The following ZNF114 variants were observed in gnomAD, a reference collection of about 807,000 sequenced individuals.
ZNF114 encodes the protein zinc finger protein 114 (Y18).
In ZNF114, 8 loss-of-function variants were observed where a neutral mutation model predicts 6.8. That is an observed-to-expected ratio of 1.18 (90% CI 0.69 to 2.13). The LOEUF (loss-of-function observed/expected upper bound fraction) is 2.13. Among genes scored for constraint, ZNF114 ranks in the 30% most tolerant of loss-of-function variants. The pLI is 0.00. For missense variants in ZNF114, 472 were observed against 519.5 expected, an observed-to-expected ratio of 0.91 and a Z score of 0.89; for synonymous variants, 169 against 185.5, an observed-to-expected ratio of 0.91 and a Z score of 0.72.
intron 2 of ZNF114, 77 bp downstream of exon 2, chr19:48,271,526 CG>C (rs929947664): frequency 2.8e-3 from 8 of 2,824 alleles, no homozygotes; most frequent in African/African-American, 0.012. Flanking sequence ...GTCCCGGGGG[CG>C]GGGGGTGGGA....
chr19:48,279,929 G>A lies in ZNF114; in HGVS notation c.9+121G>A, dbSNP rs927824715. On this transcript the variant is annotated intron_variant, in intron 4 of 5. Transcript: ENST00000595607. ...AGCCAGGCAGGGCCCCCCGCCAGCCGTGCTGCCCTAGGTCTCTGCACCTCT... is the reference window on the plus strand; with the variant it reads ...AGCCAGGCAGGGCCCCCCGCCAGCCATGCTGCCCTAGGTCTCTGCACCTCT... 16 of 1,444,518 alleles carry A rather than the reference G, an allele frequency of 1.1e-5. No individual in the cohort carries two copies. The East Asian group carries it at 1.2e-4, about 10-fold the overall frequency. 89.5% of individuals were successfully genotyped at this position (1,444,518 alleles called of 1,614,324 possible).
intron 3 of ZNF114, among the ~76,000 whole-genome samples, chr19:48,274,922 G>A (rs1358221158): frequency 6.6e-6 from 1 of 152,002 alleles, no homozygotes; most frequent in African/African-American, 2.4e-5. Context: ...GAGTCCCTGG[G>A]TAGTCAGAAT....
At chr19:48,274,022 G>T (rs1457491748) in intron 3 of ZNF114, among the ~76,000 whole-genome samples, 2 of 151,452 alleles carry the variant, frequency 1.3e-5, no homozygotes, top group Non-Finnish European at 2.9e-5. Context: ...CTCCCAAGGT[G>T]CTGGGATTAC....
At position 48,285,896 on chromosome 19, in the gene ZNF114, G is replaced by A. The variant is rs1968112270; in HGVS notation, c.272G>A (p.Arg91Lys). Residue 91 changes from arginine to lysine, a missense_variant, in exon 6 of 6, where the codon AGA becomes AAA. By Grantham distance (26) the Arg-to-Lys change is conservative. Transcript: ENST00000595607. ...CACTCCACATTAAGAGAAGACTGGA[G>A]ATGCCCCAAAACAGAGGAACCACAC... ...SQHSTLREDW[R>K]CPKTEEPHRQ... is the part of the protein sequence containing the mutation. 3 of 1,614,172 alleles carry A rather than the reference G, an allele frequency of 1.9e-6. No individual in the cohort carries two copies. The highest frequency in any genetic ancestry group is 2.5e-6 in the Non-Finnish European group (3 of 1,180,034).
chr19:48,274,786 G>A (rs546548159), intron 3 of ZNF114, among the ~76,000 whole-genome samples: 2 of 152,042 alleles, frequency 1.3e-5, no homozygotes, highest in Non-Finnish European at 2.9e-5. Context: ...GATTACAGGC[G>A]TGAGCCACCA....
chr19:48,279,443 G>A (rs1600841426), intron 3 of ZNF114, among the ~76,000 whole-genome samples: 1 of 124,916 alleles, frequency 8.0e-6, no homozygotes, highest in African/African-American at 3.1e-5. Context: ...GTGTCTGTGT[G>A]GGGGGCGGGG....
chr19:48,273,814 G>A (rs1967747798), intron 3 of ZNF114, among the ~76,000 whole-genome samples: 1 of 146,500 alleles, frequency 6.8e-6, no homozygotes, highest in South Asian at 2.1e-4. Context: ...CTGGAGTGCA[G>A]TGGCGTTATC....
chr19:48,281,501 CTTT>C (rs3077995), intron 4 of ZNF114: 75 of 126,336 alleles, frequency 5.9e-4, no homozygotes, highest in Non-Finnish European at 5.9e-4. Context: ...ATTTCCCCTT[CTTT>C]TTTTTTTTTT....
rs535397529 is a variant in ZNF114 at position 48,277,419 on chromosome 19, G to A, written c.-69-2312G>A. ...TTTCCGTCATCCGTAAGGCTATTCCGTTTCTTTTCTTATTGGAAAGGCAAA... is the reference window on the plus strand; with the variant it reads ...TTTCCGTCATCCGTAAGGCTATTCCATTTCTTTTCTTATTGGAAAGGCAAA... On this transcript the variant is annotated intron_variant, in intron 3 of 5. Transcript: ENST00000595607. Among the ~76,000 whole-genome samples the A allele has an allele frequency of 1.4e-4, 21 of 152,170 alleles. No individual in the cohort carries two copies. The East Asian group carries it at 2.7e-3, about 20-fold the overall frequency.
In ZNF114 at chr19:48,286,142, A is replaced by G. The variant is rs760759739; in HGVS notation, c.518A>G (p.Asn173Ser). The G allele has an allele frequency of 1.9e-6, 3 of 1,614,060 alleles. No homozygotes were observed. The African/African-American group carries it at 4.0e-5, about 22-fold the overall frequency. ...VLNDSQKTHE[N>S]NEDDGVLGWN... is the part of the protein sequence containing the mutation. ...AACGATAGTCAAAAAACACATGAAA[A>G]CAACGAAGACGATGGAGTCTTGGGG... Residue 173 changes from asparagine to serine, a missense_variant, in exon 6 of 6, where the codon AAC (asparagine) becomes AGC (serine). By Grantham distance (46) the Asn-to-Ser change is conservative. Transcript: ENST00000595607.
chr19:48,281,847 C>T (rs34392562), intron 4 of ZNF114, among the ~76,000 whole-genome samples: 6,003 of 149,862 alleles, frequency 0.04, 225 homozygotes, highest in Middle Eastern at 0.15. Context: ...CTTATAAGGA[C>T]ACCAGTCACT....
At chr19:48,282,634 G>A (rs1281566294) in intron 5 of ZNF114, 137 bp downstream of exon 5, 2 of 905,724 alleles carry the variant, frequency 2.2e-6, no homozygotes, top group South Asian at 3.3e-5. Flanking sequence ...GGTAGTAGGT[G>A]TAGGGTTCAC....
At chr19:48,271,577 T>C (rs11667463) in intron 2 of ZNF114, 128 bp downstream of exon 2, 25,780 of 152,302 alleles carry the variant, frequency 0.17, 2,439 homozygotes, top group South Asian at 0.22. Flanking sequence ...TGGGATCCCC[T>C]GCCTGCTCGG....
At chr19:48,285,643 GGAGGGAAAGAAA>G in intron 5 of ZNF114, 106 bp from the exon 6 acceptor site, 8 of 1,110,902 alleles carry the variant, frequency 7.2e-6, no homozygotes, top group South Asian at 1.7e-5. Flanking sequence ...AGCGAGGGAG[GGAGGGAAAGAAA>G]GAAAGAAAGA....
At chr19:48,279,473 TGG>T (rs1967932896) in intron 3 of ZNF114, among the ~76,000 whole-genome samples, 1 of 84,646 alleles carries the variant, frequency 1.2e-5, no homozygotes, top group African/African-American at 4.9e-5. Context: ...TGGGGGTGTG[TGG>T]GTGTGTGTGT....
At chr19:48,278,188 G>A (rs565900590) in intron 3 of ZNF114, among the ~76,000 whole-genome samples, 30 of 152,224 alleles carry the variant, frequency 2.0e-4, no homozygotes, top group African/African-American at 4.6e-4. Flanking sequence ...CACCTGCCTC[G>A]GCCTCCCAGA....
At chr19:48,275,759 C>T (rs1034724761) in intron 3 of ZNF114, among the ~76,000 whole-genome samples, 1 of 152,020 alleles carries the variant, frequency 6.6e-6, no homozygotes, top group African/African-American at 2.4e-5. Flanking sequence ...CTTTGGGAGG[C>T]CGAGGCAGGC....
chr19:48,285,904 A>G lies in ZNF114; in HGVS notation c.280A>G (p.Lys94Glu), dbSNP rs938435439. ...STLREDWRCP[K>E]TEEPHRQGVN... ...ATTAAGAGAAGACTGGAGATGCCCC[A>G]AAACAGAGGAACCACACAGGCAGGG... Residue 94 changes from lysine (K) to glutamate (E), a missense_variant, in exon 6 of 6, where the codon AAA (lysine) becomes GAA (glutamate). Transcript: ENST00000595607. 6.2e-7 allele frequency: 1 copy of G among 1,614,196 alleles called. No homozygotes were observed.
In ZNF114 at chr19:48,285,646, G is replaced by C. The variant is rs539183353; in HGVS notation, c.137-115G>C. 5 of 1,151,504 alleles carry C rather than the reference G, an allele frequency of 4.3e-6. No individual in the cohort carries two copies. In the South Asian group the frequency reaches 8.4e-5, roughly 19 times the overall value. The allele number at this position is 1,151,504 out of a possible 1,614,324, so 71.3% of individuals were successfully genotyped here. ...AAGGATGGAAGGAGCGAGGGAGGGA[G>C]GGAAAGAAAGAAAGAAAGAAAGAGA... On this transcript the variant is annotated intron_variant, in intron 5 of 5. Transcript: ENST00000595607.
Sources: allele counts gnomAD v4.1 joint callset (sites outside exome capture counted in the v4.1 genomes callset), GRCh38; gene constraint gnomAD v4.1.1; transcripts MANE v1.5; gene names NCBI Gene and HGNC (gene_info 2026-07-23, HGNC 2026-07-21).